The following MBD5 variants were observed in gnomAD, a reference collection of about 807,000 sequenced individuals.
The protein encoded by MBD5 is methyl-CpG-binding domain protein 5.
Under a neutral mutation model 117.3 loss-of-function variants are expected in MBD5, and 13 were observed. The observed-to-expected ratio is 0.11, with a 90% CI of 0.07 to 0.18. The LOEUF is 0.18. Among genes scored for constraint, MBD5 ranks in the 10% least tolerant of loss-of-function variants. The pLI, the probability that MBD5 is intolerant of heterozygous loss-of-function variation, is 1.00. For synonymous variants in MBD5, 727 were observed against 766.4 expected (o/e 0.95, Z 0.85); for missense variants, 1,879 against 2,093.8 (o/e 0.90, Z 2.00).
At chr2:148,218,630 T>C (rs890169955) in intron 2 of MBD5, among the ~76,000 whole-genome samples, 16 of 152,330 alleles carry the variant, frequency 1.1e-4, no homozygotes, top group African/African-American at 2.6e-4. Context: ...CTAGATGTTA[T>C]AGCCTACTGT....
chr2:148,105,398 T>C (rs921251420), intron 1 of MBD5, among the ~76,000 whole-genome samples: 3 of 152,092 alleles, frequency 2.0e-5, no homozygotes, highest in African/African-American at 7.2e-5. Context: ...TTTATATTTT[T>C]AGTAGAGATG....
chr2:148,253,295 T>A (rs1393446620), intron 3 of MBD5, among the ~76,000 whole-genome samples: 1 of 152,248 alleles, frequency 6.6e-6, no homozygotes, highest in Admixed American at 6.5e-5. Context: ...GTTATTCATT[T>A]ATTTGTACAG....
chr2:148,088,179 A>G (rs909690281), intron 1 of MBD5, among the ~76,000 whole-genome samples: 1 of 152,066 alleles, frequency 6.6e-6, no homozygotes, highest in Admixed American at 6.6e-5. Context: ...AAAGAATTTA[A>G]AGACATAAAT....
intron 9 of MBD5, 101 bp from the exon 10 acceptor site, chr2:148,485,641 A>G (rs1371203979): frequency 3.4e-6 from 3 of 873,476 alleles, no homozygotes; most frequent in Admixed American, 4.0e-5. Flanking sequence ...CCAAGTAAGC[A>G]TAGCACTTAG....
intron 1 of MBD5, among the ~76,000 whole-genome samples, chr2:148,106,151 G>T (rs995992934): frequency 2.0e-5 from 3 of 151,908 alleles, no homozygotes; most frequent in Non-Finnish European, 2.9e-5. Flanking sequence ...TTTATATAAG[G>T]ATAATTGTTG....
intron 8 of MBD5, among the ~76,000 whole-genome samples, chr2:148,472,943 C>T (rs1267317163): frequency 6.6e-6 from 1 of 152,032 alleles, no homozygotes; most frequent in African/African-American, 2.4e-5. Context: ...GTAACTGTTC[C>T]GTATCATACA....
chr2:148,048,469 G>T (rs181524761), intron 1 of MBD5, among the ~76,000 whole-genome samples: 72 of 152,202 alleles, frequency 4.7e-4, no homozygotes, highest in Non-Finnish European at 8.5e-4. Context: ...AATACAACCT[G>T]GCAAATGCTT....
chr2:148,159,054 G>A (rs1192552414), intron 1 of MBD5, among the ~76,000 whole-genome samples: 1 of 152,140 alleles, frequency 6.6e-6, no homozygotes, highest in Admixed American at 6.5e-5. Context: ...TAAAAACACG[G>A]TAAAGTAAAA....
chr2:148,490,311 A>T lies in MBD5; in HGVS notation c.4679A>T (p.Asn1560Ile), dbSNP rs1559099606. Residue 1560 changes from asparagine to isoleucine, a missense_variant, in exon 11 of 14, where the codon AAT becomes ATT. Coordinates refer to ENST00000642680, the MANE Select transcript of MBD5 (RefSeq NM_001378120.1). ...CCAAGTTCCTCAAATAGTTTGGAAA[A>T]TTCTCTGGTCAAAGACTACATCCAT... ...QSPSSSNSLENSLVKDYIHYN... is the reference protein window; with the variant it reads ...QSPSSSNSLEISLVKDYIHYN... The T allele has an allele frequency of 6.8e-6, 11 of 1,614,188 alleles. No homozygotes were observed. Among genetic ancestry groups the T allele is most frequent in the Non-Finnish European group, 9.3e-6 (11 of 1,180,042 alleles).
chr2:148,417,288 CTTTT>C (rs745409695), intron 4 of MBD5, among the ~76,000 whole-genome samples: 2 of 91,804 alleles, frequency 2.2e-5, no homozygotes, highest in Admixed American at 2.6e-4. Context: ...ATGCACAGCT[CTTTT>C]TTTTTTTTTT....
rs367912604 is a variant in MBD5 at position 148,280,903 on chromosome 2, G to C, written c.-680+47508G>C. Among the ~76,000 whole-genome samples the C allele has an allele frequency of 3.3e-5, 5 of 152,276 alleles. No individual in the cohort carries two copies. The East Asian group carries it at 9.6e-4, about 29-fold the overall frequency. On this transcript the variant is annotated intron_variant, in intron 3 of 13. Coordinates refer to ENST00000642680, the MANE Select transcript of MBD5 (RefSeq NM_001378120.1). ...TTTTCCCTCAGCAATTTGAAGATCA[G>C]ACTCTAATATCTTTCAGTGTCTTTT...
chr2:148,336,547 C>A (rs149768319), intron 3 of MBD5, among the ~76,000 whole-genome samples: 96 of 152,118 alleles, frequency 6.3e-4, no homozygotes, highest in African/African-American at 1.7e-3. Flanking sequence ...CCACCACACG[C>A]GGCAAATTTT....
intron 4 of MBD5, among the ~76,000 whole-genome samples, chr2:148,353,690 C>A (rs1574325007): frequency 2.6e-5 from 4 of 152,134 alleles, no homozygotes; most frequent in Admixed American, 2.6e-4. Flanking sequence ...AAGTGATCCT[C>A]CCACCTCAGC....
At chr2:148,100,556 C>G (rs1696180757) in intron 1 of MBD5, among the ~76,000 whole-genome samples, 1 of 152,108 alleles carries the variant, frequency 6.6e-6, no homozygotes, top group African/African-American at 2.4e-5. Flanking sequence ...AACTTGAGGA[C>G]TAGGAGGCTG....
intron 1 of MBD5, among the ~76,000 whole-genome samples, chr2:148,056,610 A>G (rs950818329): frequency 2.6e-5 from 4 of 152,082 alleles, no homozygotes; most frequent in Admixed American, 2.6e-4. Flanking sequence ...AATTATATTT[A>G]TATGATTTCC....
intron 1 of MBD5, chr2:148,026,747 A>G (rs1010752247): frequency 1.3e-5 from 2 of 152,090 alleles, no homozygotes; most frequent in African/African-American, 4.8e-5. Flanking sequence ...ATGTAGTGAG[A>G]TCTGATCCCT....
intron 3 of MBD5, among the ~76,000 whole-genome samples, chr2:148,308,491 CTTTTTTTTTTTTTTTTT>C (rs60650324): frequency 1.5e-5 from 1 of 66,772 alleles, no homozygotes; most frequent in East Asian, 5.2e-4. Context: ...GGGGTTCTTT[CTTTTTTTTTTTTTTTTT>C]TTTTTTTTTT....
rs756965332 is a variant in MBD5, at chr2:148,468,862, A to C, written c.919A>C (p.Ser307Arg). 6.2e-7 allele frequency: 1 copy of C among 1,614,004 alleles called. No homozygotes were observed. The highest frequency in any genetic ancestry group is 8.5e-7 in the Non-Finnish European group (1 of 1,179,936). The change falls in exon 8 of 14, where the codon AGT becomes CGT. Residue 307 changes from serine to arginine, a missense_variant. Ser to Arg is a moderately radical substitution (Grantham distance 110). Transcript: ENST00000642680. ...IPLSPTLTTK[S>R]PVMKKPMCNF... ...TCTTTCCCCAACCTTGACTACAAAGAGTCCAGTAATGAAAAAACCAATGTG... is the reference window on the plus strand; with the variant it reads ...TCTTTCCCCAACCTTGACTACAAAGCGTCCAGTAATGAAAAAACCAATGTG...
At chr2:148,279,277 AAAG>A (rs1701184133) in intron 3 of MBD5, among the ~76,000 whole-genome samples, 1 of 152,172 alleles carries the variant, frequency 6.6e-6, no homozygotes, top group Non-Finnish European at 1.5e-5. Context: ...AAAAATGAGA[AAAG>A]TTATCTGGGT....
Sources: allele counts gnomAD v4.1 joint callset (sites outside exome capture counted in the v4.1 genomes callset), GRCh38; gene constraint gnomAD v4.1.1; transcripts MANE v1.5; gene names NCBI Gene and HGNC (gene_info 2026-07-23, HGNC 2026-07-21).